The following NCALD variants were observed in gnomAD, a reference collection of about 807,000 sequenced individuals.
The protein encoded by NCALD is neurocalcin-delta.
Under a neutral mutation model 18.6 loss-of-function variants are expected in NCALD, and 10 were observed. The ratio of observed to expected loss-of-function variants is 0.54; its 90% CI spans 0.33 to 0.91. NCALD has a LOEUF of 0.91. NCALD is among the 40% of genes least tolerant of loss of function. NCALD has a pLI of 0.03. For missense variants in NCALD, 184 were observed against 247.6 expected, an observed-to-expected ratio of 0.74 and a Z score of 1.72; for synonymous variants, 88 against 87.4, an observed-to-expected ratio of 1.01 and a Z score of -0.04.
intron 2 of NCALD, among the ~76,000 whole-genome samples, chr8:101,991,763 C>A (rs1477972411): frequency 5.3e-5 from 8 of 152,192 alleles, no homozygotes; most frequent in African/African-American, 1.9e-4. Flanking sequence ...TGGAACAAAT[C>A]TGTTGGTGCT....
At chr8:101,705,984 TA>T (rs1815501983) in intron 2 of NCALD, among the ~76,000 whole-genome samples, 1 of 152,178 alleles carries the variant, frequency 6.6e-6, no homozygotes, top group Admixed American at 6.5e-5. Context: ...TATAATAATA[TA>T]GATTAGAAAT....
intron 4 of NCALD, among the ~76,000 whole-genome samples, chr8:101,805,610 G>A (rs532862080): frequency 6.6e-6 from 1 of 152,288 alleles, no homozygotes; most frequent in South Asian, 2.1e-4. Context: ...TTCCCAGATG[G>A]AGAGGCCGTC....
At chr8:101,758,817 C>T (rs1379955144) in intron 1 of NCALD, among the ~76,000 whole-genome samples, 1 of 133,336 alleles carries the variant, frequency 7.5e-6, no homozygotes. Flanking sequence ...TGCTGGGACA[C>T]AGGATGTGTA....
intron 1 of NCALD, among the ~76,000 whole-genome samples, chr8:102,061,979 T>C (rs1823864749): frequency 6.6e-6 from 1 of 152,256 alleles, no homozygotes; most frequent in African/African-American, 2.4e-5. Flanking sequence ...GAGAAGCAAA[T>C]GCCTTAACGA....
At chr8:101,766,442 A>T (rs1278244624) in intron 1 of NCALD, among the ~76,000 whole-genome samples, 3 of 152,098 alleles carry the variant, frequency 2.0e-5, no homozygotes, top group Non-Finnish European at 4.4e-5. Context: ...ATCCTTCCAG[A>T]TTTTTCTTAT....
chr8:101,920,219 T>C lies in NCALD; in HGVS notation c.-156-4361A>G, dbSNP rs761341676. ...CTATAGTGAGACATGATTGTGCCACTGCACTCCAGCCCGAGTGAAACAGTG... is the reference window on the plus strand; with the variant it reads ...CTATAGTGAGACATGATTGTGCCACCGCACTCCAGCCCGAGTGAAACAGTG... On this transcript the variant is annotated intron_variant, in intron 2 of 6. Transcript: ENST00000311028. Among the ~76,000 whole-genome samples the C allele has an allele frequency of 6.5e-4, 99 of 152,070 alleles. 1 individual carries two copies. The highest frequency in any genetic ancestry group is 1.5e-4 in the Non-Finnish European group (10 of 68,004).
At chr8:101,904,418 A>G (rs1037770610) in intron 3 of NCALD, among the ~76,000 whole-genome samples, 1 of 151,314 alleles carries the variant, frequency 6.6e-6, no homozygotes, top group African/African-American at 2.4e-5. Flanking sequence ...CCATCTCCCC[A>G]CTTCCTTCCT....
At chr8:101,894,517 C>A (rs1007213123) in intron 3 of NCALD, among the ~76,000 whole-genome samples, 3 of 143,680 alleles carry the variant, frequency 2.1e-5, no homozygotes, top group Middle Eastern at 3.4e-3. Context: ...AAAATCAGAG[C>A]AGAACTGAAG....
At chr8:102,016,241 C>A (rs936297986) in intron 2 of NCALD, among the ~76,000 whole-genome samples, 3 of 152,066 alleles carry the variant, frequency 2.0e-5, no homozygotes, top group African/African-American at 7.2e-5. Flanking sequence ...AAACTCTCTC[C>A]CACACAAAAC....
chr8:101,978,756 C>T (rs980838408), intron 2 of NCALD, among the ~76,000 whole-genome samples: 6 of 152,094 alleles, frequency 3.9e-5, no homozygotes, highest in African/African-American at 1.4e-4. Flanking sequence ...TCACTTAGCA[C>T]AAGGGCTTGG....
chr8:102,065,297 T>C (rs1328956500), intron 1 of NCALD, among the ~76,000 whole-genome samples: 1 of 151,724 alleles, frequency 6.6e-6, no homozygotes, highest in Non-Finnish European at 1.5e-5. Flanking sequence ...CACTGCTCCA[T>C]ACGCAGGCGC....
intron 1 of NCALD, among the ~76,000 whole-genome samples, chr8:102,046,811 TG>T (rs1823261841): frequency 6.6e-6 from 1 of 151,602 alleles, no homozygotes; most frequent in East Asian, 1.9e-4. Flanking sequence ...TTTTTTTTTT[TG>T]AACTTTTATT....
At chr8:101,749,985 G>A (rs1810584579) in intron 1 of NCALD, 1 of 152,536 alleles carries the variant, frequency 6.6e-6, no homozygotes, top group Non-Finnish European at 1.5e-5. Flanking sequence ...ATCTATAAAG[G>A]AAAGAGGTTT....
At chr8:101,729,530 G>A (rs79731696) in intron 1 of NCALD, among the ~76,000 whole-genome samples, 4,724 of 152,272 alleles carry the variant, frequency 0.031, 244 homozygotes, top group African/African-American at 0.11. Context: ...TATCTCCTAT[G>A]TGAAGGGTCA....
intron 1 of NCALD, among the ~76,000 whole-genome samples, chr8:102,038,118 T>C (rs1430865803): frequency 6.6e-6 from 1 of 152,134 alleles, no homozygotes; most frequent in Non-Finnish European, 1.5e-5. Flanking sequence ...GCCACATGAC[T>C]CATTGGGATT....
chr8:102,089,291 G>T lies in NCALD; in HGVS notation c.-210+34946C>A, dbSNP rs181293174. Among the ~76,000 whole-genome samples the T allele has an allele frequency of 5.3e-5, 8 of 152,170 alleles. No homozygotes were observed. The East Asian group carries it at 1.5e-3, about 29-fold the overall frequency. ...CACCTGTAATCCTAGCTACTTGGGA[G>T]TCTGAGGCAGAAGAATGGCATGAAC... On this transcript the variant is annotated intron_variant, in intron 1 of 6. Transcript: ENST00000311028.
At chr8:102,015,985 G>A (rs1822070637) in intron 2 of NCALD, among the ~76,000 whole-genome samples, 1 of 152,054 alleles carries the variant, frequency 6.6e-6, no homozygotes, top group African/African-American at 2.4e-5. Flanking sequence ...CCTTTTAGTA[G>A]GGCACAGGCA....
intron 1 of NCALD, among the ~76,000 whole-genome samples, chr8:102,110,919 CA>C (rs1317298129): frequency 1.3e-5 from 2 of 151,566 alleles, no homozygotes; most frequent in African/African-American, 4.9e-5. Context: ...ACATTGTCTA[CA>C]AAGATTGCAG....
intron 2 of NCALD, among the ~76,000 whole-genome samples, chr8:101,948,553 T>G (rs1382872981): frequency 3.3e-5 from 5 of 152,126 alleles, no homozygotes; most frequent in Non-Finnish European, 7.4e-5. Flanking sequence ...TGGAAGTCAT[T>G]AGCATATAGA....
Sources: gnomAD v4.1 joint callset for allele counts (sites outside exome capture counted in the v4.1 genomes callset) on GRCh38, gnomAD v4.1.1 for gene constraint, MANE v1.5 for transcripts, NCBI Gene and HGNC (gene_info 2026-07-23, HGNC 2026-07-21) for gene names.